The following FDFT1 variants were observed in gnomAD, a reference collection of about 807,000 sequenced individuals.
FDFT1 encodes the protein squalene synthase.
A neutral mutation model predicts 46.8 loss-of-function variants in FDFT1; 68 were observed. The ratio of observed to expected loss-of-function variants is 1.45; its 90% CI spans 1.19 to 1.78. The LOEUF (loss-of-function observed/expected upper bound fraction) is 1.78. Ranked by LOEUF, FDFT1 falls within the 40% of genes most tolerant of loss-of-function variation. FDFT1 has a pLI of 0.00. For missense variants in FDFT1, 928 were observed against 524.4 expected (o/e 1.77, Z -7.52); for synonymous variants, 351 against 185.1 (o/e 1.90, Z -7.28).
At chr8:11,803,674 C>T (rs972113727) in intron 1 of FDFT1, 3 of 347,318 alleles carry the variant, frequency 8.6e-6, no homozygotes, top group African/African-American at 4.4e-5. Flanking sequence ...TGGTCTGGAC[C>T]AGCCTGGCTG....
intron 7 of FDFT1, among the ~76,000 whole-genome samples, chr8:11,833,400 A>G (rs933906250): frequency 6.6e-6 from 1 of 152,358 alleles, no homozygotes; most frequent in Non-Finnish European, 1.5e-5. Flanking sequence ...GAATCCTGCT[A>G]TATTAAGCAC....
chr8:11,817,949 T>C (rs541231915), intron 3 of FDFT1, among the ~76,000 whole-genome samples: 2 of 152,350 alleles, frequency 1.3e-5, no homozygotes, highest in South Asian at 4.1e-4. Flanking sequence ...TTAATTGTGA[T>C]GTTAAGGTGT....
intron 5 of FDFT1, among the ~76,000 whole-genome samples, chr8:11,829,859 T>C (rs773992258): frequency 2.0e-5 from 3 of 152,322 alleles, no homozygotes; most frequent in Middle Eastern, 3.4e-3. Context: ...GTTTTGTTTT[T>C]GTTTTTGTGA....
At chr8:11,825,946 T>C (rs1809911537) in intron 4 of FDFT1, 78 bp from the exon 5 acceptor site, 1 of 1,001,774 alleles carries the variant, frequency 1.0e-6, no homozygotes, top group African/African-American at 1.6e-5. Context: ...ACCTGCTTTT[T>C]TGTAGCTAAT....
chr8:11,805,625 C>G (rs187045223), intron 1 of FDFT1, among the ~76,000 whole-genome samples: 11 of 152,342 alleles, frequency 7.2e-5, no homozygotes, highest in Admixed American at 7.2e-4. Context: ...TTAACCACAA[C>G]TTCCCAACTC....
At chr8:11,802,377 G>A (rs1227792826), upstream of FDFT1, 2 of 453,340 alleles carry the variant, frequency 4.4e-6, no homozygotes, top group African/African-American at 2.0e-5. Flanking sequence ...CCCGACTGCG[G>A]ACCACCGTTG....
At chr8:11,825,818 C>T (rs989416900) in intron 4 of FDFT1, among the ~76,000 whole-genome samples, 5 of 152,008 alleles carry the variant, frequency 3.3e-5, no homozygotes, top group Admixed American at 6.6e-5. Context: ...ATCAAATTCC[C>T]GTCAGCCAGA....
intron 4 of FDFT1, among the ~76,000 whole-genome samples, chr8:11,823,129 C>T (rs1809494219): frequency 6.6e-6 from 1 of 151,936 alleles, no homozygotes; most frequent in African/African-American, 2.4e-5. Context: ...CATTTTTGTA[C>T]ATTTTTTGTA....
chr8:11,813,024 G>T (rs1223843550), intron 3 of FDFT1, among the ~76,000 whole-genome samples: 1 of 145,674 alleles, frequency 6.9e-6, no homozygotes, highest in Non-Finnish European at 1.5e-5. Flanking sequence ...AGGCTCTGTG[G>T]TACAGGCCAT....
At chr8:11,818,609 T>G (rs143099207) in intron 3 of FDFT1, among the ~76,000 whole-genome samples, 2 of 152,228 alleles carry the variant, frequency 1.3e-5, no homozygotes, top group African/African-American at 4.8e-5. Flanking sequence ...CCTTTACCAT[T>G]ATGTAGTGGC....
At chr8:11,838,096 G>C (rs1811787920) in intron 7 of FDFT1, among the ~76,000 whole-genome samples, 1 of 152,202 alleles carries the variant, frequency 6.6e-6, no homozygotes, top group Admixed American at 6.5e-5. Context: ...GTGAGGTGCT[G>C]GGGATGTGAA....
chr8:11,825,357 C>G (rs1051419242), intron 4 of FDFT1, among the ~76,000 whole-genome samples: 1 of 151,924 alleles, frequency 6.6e-6, no homozygotes, highest in Non-Finnish European at 1.5e-5. Flanking sequence ...GCGTGGCCAA[C>G]ATGGTGAAAC....
chr8:11,800,365 T>C (rs914453325), upstream of FDFT1, among the ~76,000 whole-genome samples: 24 of 150,880 alleles, frequency 1.6e-4, no homozygotes, highest in African/African-American at 5.9e-4. Flanking sequence ...CCAGCAGTTT[T>C]GCCATGGGAG....
chr8:11,830,120 A>G, intron 5 of FDFT1, 124 bp from the exon 6 acceptor site: 1 of 788,052 alleles, frequency 1.3e-6, no homozygotes. Context: ...TGCTGGGATT[A>G]CAGGCGTGAG....
Position 11,830,346 on chromosome 8 carries a change from C to G in FDFT1, c.805C>G (p.His269Asp). Residue 269 changes from histidine (H) to aspartate (D), a missense_variant, in exon 6 of 8, where the codon CAC becomes GAC. Coordinates refer to ENST00000220584, the MANE Select transcript of FDFT1 (RefSeq NM_004462.5). ...TGAACTTATAACCAATGCACTGCAC[C>G]ACATCCCAGATGTCATCACCTACCT... Reference protein sequence around the residue: ...LNELITNALHHIPDVITYLSR... With the variant: ...LNELITNALHDIPDVITYLSR... 6.2e-7 allele frequency: 1 copy of G among 1,613,602 alleles called. No homozygotes were observed. The highest frequency in any genetic ancestry group is 8.5e-7 in the Non-Finnish European group (1 of 1,179,584).
In FDFT1 at chr8:11,838,577, A is replaced by G; in HGVS notation, c.1222A>G (p.Thr408Ala). The part of the protein sequence containing the change: ...WQYLTTLSQV[T>A]EDYVQTGEH Reference sequence around the variant, plus strand: ...GTACCTGACCACTCTCTCCCAGGTAACAGAAGACTATGTTCAGACTGGAGA... The same window carrying G: ...GTACCTGACCACTCTCTCCCAGGTAGCAGAAGACTATGTTCAGACTGGAGA... Residue 408 changes from threonine to alanine, a missense_variant, in exon 8 of 8, where the codon ACA becomes GCA. By Grantham distance (58) the Thr-to-Ala change is moderately conservative (BLOSUM62 0). Coordinates refer to ENST00000220584, the MANE Select transcript of FDFT1 (RefSeq NM_004462.5). 1.2e-6 allele frequency: 2 copies of G among 1,614,034 alleles called. No individual in the cohort carries two copies. The highest frequency in any genetic ancestry group is 1.7e-6 in the Non-Finnish European group (2 of 1,179,970).
chr8:11,818,933 G>C (rs1047664387), intron 3 of FDFT1, among the ~76,000 whole-genome samples: 8 of 152,204 alleles, frequency 5.3e-5, no homozygotes, highest in African/African-American at 1.9e-4. Flanking sequence ...AATTGATGCA[G>C]TTTCTTCCTA....
Position 11,803,130 on chromosome 8 carries a change from GC to G in FDFT1, c.99+204del. ...CGGCCGTCCTGGCTGACCTGTCCCT[GC>G]CCCCGCAAGCCGCCCTGGGCATGAG... On this transcript the variant is annotated intron_variant, in intron 1 of 7. Transcript: ENST00000220584. 5 of 1,427,458 alleles carry G rather than the reference GC, an allele frequency of 3.5e-6. No individual in the cohort carries two copies. The South Asian group carries it at 5.8e-5, about 16-fold the overall frequency. 88.4% of individuals were successfully genotyped at this position (1,427,458 alleles called of 1,614,324 possible).
intron 3 of FDFT1, 48 bp downstream of exon 3, chr8:11,809,898 G>T: frequency 6.9e-7 from 1 of 1,450,326 alleles, no homozygotes; most frequent in South Asian, 1.2e-5. Context: ...GTTCATAATT[G>T]CTAACGTGGT....
Sources: gnomAD v4.1 joint callset for allele counts (sites outside exome capture counted in the v4.1 genomes callset) on GRCh38, gnomAD v4.1.1 for gene constraint, MANE v1.5 for transcripts, NCBI Gene and HGNC (gene_info 2026-07-23, HGNC 2026-07-21) for gene names.